The following UBE2H variants were observed in gnomAD, a reference collection of about 807,000 sequenced individuals.
The protein encoded by UBE2H is ubiquitin conjugating enzyme E2 H.
In UBE2H, 3 loss-of-function variants were observed where a neutral mutation model predicts 29.0. The observed-to-expected ratio is 0.10, with a 90% CI of 0.05 to 0.27. The LOEUF (loss-of-function observed/expected upper bound fraction) is 0.27. Ranked by LOEUF, UBE2H falls within the 10% of genes least tolerant of loss-of-function variation. The pLI, the probability that UBE2H is intolerant of heterozygous loss-of-function variation, is 1.00. For synonymous variants in UBE2H, 69 were observed against 82.9 expected (o/e 0.83, Z 0.91); for missense variants, 68 against 228.2 (o/e 0.30, Z 4.52).
rs34279042 is a variant in UBE2H, at chr7:129,848,836, C to CTT, written c.298+8673_298+8674dup. 9.5e-3 allele frequency among the ~76,000 whole-genome samples: 1,220 copies of CTT among 128,654 alleles called. 20 individuals are homozygous for CTT. Among genetic ancestry groups the CTT allele is most frequent in the African/African-American group, 0.014 (472 of 34,748 alleles). The allele number at this position is 128,654 out of a possible 152,430, so 84.4% of individuals were successfully genotyped here. On this transcript the variant is annotated intron_variant, in intron 5 of 6. Transcript: ENST00000355621. ...TACTATATGCACAAAAACCAGGTAG[C>CTT]TTTTTTTTTTTTTTTTGGTAAGGCC... is the stretch of plus-strand genomic sequence containing the variant.
chr7:129,944,630 A>T (rs987631123), intron 1 of UBE2H, among the ~76,000 whole-genome samples: 6 of 151,980 alleles, frequency 3.9e-5, no homozygotes, highest in Admixed American at 1.3e-4. Context: ...CCACGACTGC[A>T]GTGAGCTGAG....
intron 1 of UBE2H, among the ~76,000 whole-genome samples, chr7:129,947,939 G>A (rs1464878205): frequency 2.0e-5 from 3 of 151,794 alleles, no homozygotes; most frequent in Admixed American, 6.6e-5. Context: ...CACAACCTCC[G>A]CCTCATGGGT....
intron 1 of UBE2H, among the ~76,000 whole-genome samples, chr7:129,883,209 A>G (rs1371228639): frequency 6.6e-6 from 1 of 152,256 alleles, no homozygotes; most frequent in Non-Finnish European, 1.5e-5. Context: ...ACTATATTCC[A>G]AAACTTAAAA....
At chr7:129,912,071 T>C (rs1205769094) in intron 1 of UBE2H, among the ~76,000 whole-genome samples, 2 of 152,174 alleles carry the variant, frequency 1.3e-5, no homozygotes, top group East Asian at 1.9e-4. Flanking sequence ...TATTATGAGA[T>C]AGAATTTAAA....
At chr7:129,844,564 T>G (rs1805480270) in intron 5 of UBE2H, among the ~76,000 whole-genome samples, 1 of 152,216 alleles carries the variant, frequency 6.6e-6, no homozygotes, top group African/African-American at 2.4e-5. Flanking sequence ...ACCTTCAATT[T>G]TTTTAAAGGA....
intron 1 of UBE2H, among the ~76,000 whole-genome samples, chr7:129,947,374 T>C (rs1807786141): frequency 6.6e-6 from 1 of 152,164 alleles, no homozygotes; most frequent in African/African-American, 2.4e-5. Flanking sequence ...ATCATCTCAC[T>C]AAAACAGAGT....
chr7:129,872,404 T>C (rs971309120), intron 3 of UBE2H, among the ~76,000 whole-genome samples: 2 of 152,132 alleles, frequency 1.3e-5, no homozygotes, highest in Admixed American at 6.5e-5. Flanking sequence ...TCATGCCATA[T>C]TATAAACCTC....
At position 129,884,834 on chromosome 7, in the gene UBE2H, C is replaced by G. The variant is rs140401035; in HGVS notation, c.54-3863G>C. 3.7e-3 allele frequency among the ~76,000 whole-genome samples: 569 copies of G among 152,244 alleles called. 4 individuals carry two copies. Among genetic ancestry groups the G allele is most frequent in the African/African-American group, 0.013 (547 of 41,550 alleles). On this transcript the variant is annotated intron_variant, in intron 1 of 6. Coordinates refer to ENST00000355621, the MANE Select transcript of UBE2H (RefSeq NM_003344.4). ...TTGGGCTCAAGTGATCCTCCCACCT[C>G]GGCTTCCCAGAGTGCTGGGATTATA...
At chr7:129,926,428 G>C (rs1807271276) in intron 1 of UBE2H, among the ~76,000 whole-genome samples, 1 of 151,174 alleles carries the variant, frequency 6.6e-6, no homozygotes, top group African/African-American at 2.4e-5. Context: ...AGAATCGCTT[G>C]AACCCAGGAG....
chr7:129,875,042 T>C (rs1328847445), intron 3 of UBE2H, among the ~76,000 whole-genome samples: 1 of 152,178 alleles, frequency 6.6e-6, no homozygotes, highest in African/African-American at 2.4e-5. Flanking sequence ...GCCTGATGGC[T>C]TTCTAGAGCA....
chr7:129,868,732 A>T (rs1405831440), intron 3 of UBE2H, among the ~76,000 whole-genome samples: 1 of 152,180 alleles, frequency 6.6e-6, no homozygotes. Flanking sequence ...ACTCTGGCTA[A>T]TAACAAGATG....
chr7:129,867,660 T>G (rs529135595), intron 3 of UBE2H, among the ~76,000 whole-genome samples: 1 of 90,070 alleles, frequency 1.1e-5, no homozygotes, highest in East Asian at 3.4e-4. Context: ...GTAACTAACC[T>G]GCACAATGTG....
At chr7:129,952,389 G>C (rs80300138) in intron 1 of UBE2H, 114 bp downstream of exon 1, 3 of 1,347,318 alleles carry the variant, frequency 2.2e-6, no homozygotes, top group East Asian at 5.2e-5. Context: ...GAGGAGGGGA[G>C]TCTCGGACAG....
At chr7:129,898,454 A>C (rs10265243) in intron 1 of UBE2H, among the ~76,000 whole-genome samples, 2,049 of 152,320 alleles carry the variant, frequency 0.013, 45 homozygotes, top group African/African-American at 0.047. Flanking sequence ...TATTGTTATG[A>C]AGTATGAGAA....
chr7:129,887,152 A>C (rs2116388287), intron 1 of UBE2H, among the ~76,000 whole-genome samples: 1 of 152,264 alleles, frequency 6.6e-6, no homozygotes, highest in Non-Finnish European at 1.5e-5. Flanking sequence ...TAGAGGCATA[A>C]AGCTTAGCTA....
chr7:129,919,333 C>A lies in UBE2H; in HGVS notation c.53+33170G>T, dbSNP rs182176907. On this transcript the variant is annotated intron_variant, in intron 1 of 6. Coordinates refer to ENST00000355621, the MANE Select transcript of UBE2H (RefSeq NM_003344.4). ...TCACGTTTAATACCAGAATCCATTC[C>A]TAGACTTGTAAAAACAAAATAAAAC... 1.1e-3 allele frequency among the ~76,000 whole-genome samples: 172 copies of A among 152,196 alleles called. 2 individuals carry two copies. The highest frequency in any genetic ancestry group is 3.9e-3 in the African/African-American group (164 of 41,528).
At chr7:129,920,572 C>A (rs1036858105) in intron 1 of UBE2H, among the ~76,000 whole-genome samples, 1 of 151,566 alleles carries the variant, frequency 6.6e-6, no homozygotes, top group Non-Finnish European at 1.5e-5. Context: ...TATAAACATA[C>A]AAAATACTAC....
chr7:129,895,445 T>C (rs900239739), intron 1 of UBE2H, among the ~76,000 whole-genome samples: 1 of 152,062 alleles, frequency 6.6e-6, no homozygotes, highest in South Asian at 2.1e-4. Flanking sequence ...AAAATGACAA[T>C]AGCAACTCAC....
intron 1 of UBE2H, among the ~76,000 whole-genome samples, chr7:129,927,125 T>C (rs779099372): frequency 1.3e-5 from 2 of 152,206 alleles, no homozygotes; most frequent in Non-Finnish European, 2.9e-5. Flanking sequence ...TTTTTATTCA[T>C]ACACTATCTT....
Sources: allele counts gnomAD v4.1 joint callset (sites outside exome capture counted in the v4.1 genomes callset), GRCh38; gene constraint gnomAD v4.1.1; transcripts MANE v1.5; gene names NCBI Gene and HGNC (gene_info 2026-07-23, HGNC 2026-07-21).